Variants in ATF7IP observed in about 807,000 individuals in gnomAD.
ATF7IP encodes activating transcription factor 7-interacting protein 1.
A neutral mutation model predicts 106.4 loss-of-function variants in ATF7IP; 23 were observed. That is an observed-to-expected ratio of 0.22 (90% CI 0.16 to 0.31). The LOEUF (loss-of-function observed/expected upper bound fraction) is 0.31, where lower values mean the gene tolerates loss of function less well. Among genes scored for constraint, ATF7IP ranks in the 10% least tolerant of loss-of-function variants. The pLI is 1.00. For missense variants in ATF7IP, 1,334 were observed against 1,524.3 expected, an observed-to-expected ratio of 0.88 and a Z score of 2.08; for synonymous variants, 542 against 539.0, an observed-to-expected ratio of 1.01 and a Z score of -0.08.
At chr12:14,458,689 G>A (rs1943530460) in intron 8 of ATF7IP, among the ~76,000 whole-genome samples, 1 of 151,780 alleles carries the variant, frequency 6.6e-6, no homozygotes, top group South Asian at 2.1e-4. Context: ...CAGACATGGT[G>A]GTGCACAACT....
chr12:14,493,804 C>T (rs1027773858), intron 13 of ATF7IP, among the ~76,000 whole-genome samples: 8 of 152,118 alleles, frequency 5.3e-5, no homozygotes, highest in African/African-American at 9.7e-5. Flanking sequence ...ACAACTTCAG[C>T]GCTCTCTCTA....
intron 14 of ATF7IP, among the ~76,000 whole-genome samples, chr12:14,497,280 G>T (rs958148264): frequency 6.6e-6 from 1 of 152,106 alleles, no homozygotes; most frequent in South Asian, 2.1e-4. Flanking sequence ...ATTTAAAAAT[G>T]TTACATCATA....
chr12:14,458,548 G>A (rs574651671), intron 8 of ATF7IP, among the ~76,000 whole-genome samples: 3 of 152,148 alleles, frequency 2.0e-5, no homozygotes, highest in South Asian at 4.1e-4. Flanking sequence ...TTGGACAAGC[G>A]TGGTGGCTTA....
intron 13 of ATF7IP, among the ~76,000 whole-genome samples, chr12:14,483,649 G>A (rs1206525896): frequency 6.6e-6 from 1 of 152,038 alleles, no homozygotes; most frequent in Non-Finnish European, 1.5e-5. Flanking sequence ...CCTGATTCCT[G>A]GACCCATGAA....
intron 13 of ATF7IP, among the ~76,000 whole-genome samples, chr12:14,494,953 A>T (rs994819218): frequency 1.3e-5 from 2 of 151,212 alleles, no homozygotes; most frequent in Non-Finnish European, 3.0e-5. Context: ...AAAAAAAAAA[A>T]AAGATCCCAC....
intron 1 of ATF7IP, among the ~76,000 whole-genome samples, chr12:14,398,676 T>C (rs7312233): frequency 1 from 151,932 of 152,090 alleles, 75,888 homozygotes; most frequent in Non-Finnish European, 1. Flanking sequence ...ATAGATTTAT[T>C]TCTGATTGTG....
chr12:14,402,132 T>C (rs866170048), intron 1 of ATF7IP, among the ~76,000 whole-genome samples: 7 of 146,020 alleles, frequency 4.8e-5, no homozygotes, highest in Admixed American at 1.4e-4. Flanking sequence ...TCTTTCTTTT[T>C]TTTTTTTTTT....
In ATF7IP at chr12:14,481,062, G is replaced by A. The variant is rs1944412349; in HGVS notation, c.3157G>A (p.Val1053Ile). The change falls in exon 13 of 15, where the codon GTA becomes ATA. Residue 1053 changes from valine (V) to isoleucine (I), a missense_variant. Val to Ile is a conservative substitution (Grantham distance 29). This residue lies in a region of ATF7IP where 370 missense variants were observed against 401.2 expected (regional missense o/e 0.92). Coordinates refer to ENST00000261168, the MANE Select transcript of ATF7IP (RefSeq NM_018179.5). The stretch of plus-strand genomic sequence containing the variant: ...AACTCAGGTGACCACAAGACTCCCT[G>A]TACCAAGAGCTCCTGCAAACCACCA... ...PVTQVTTRLP[V>I]PRAPANHQVV... 2 of 1,613,862 alleles carry A rather than the reference G, an allele frequency of 1.2e-6. No homozygotes were observed. The highest frequency in any genetic ancestry group is 1.7e-5 in the Admixed American group (1 of 59,986).
At chr12:14,419,149 G>A (rs1306481789) in intron 1 of ATF7IP, 1 of 152,090 alleles carries the variant, frequency 6.6e-6, no homozygotes, top group East Asian at 1.9e-4. Context: ...TAGTTCTCAT[G>A]GCAACCTTTG....
At chr12:14,431,517 C>T (rs1313970391) in intron 2 of ATF7IP, among the ~76,000 whole-genome samples, 1 of 151,884 alleles carries the variant, frequency 6.6e-6, no homozygotes, top group Non-Finnish European at 1.5e-5. Context: ...GTCTCAGCCT[C>T]CCGAGTAGCT....
chr12:14,481,268 A>G, intron 13 of ATF7IP, 83 bp downstream of exon 13: 1 of 1,458,726 alleles, frequency 6.9e-7, no homozygotes, highest in Non-Finnish European at 9.3e-7. Context: ...AATAATGTTA[A>G]ATTTTGCAAA....
intron 1 of ATF7IP, among the ~76,000 whole-genome samples, chr12:14,388,175 G>A (rs1161212721): frequency 6.6e-6 from 1 of 151,702 alleles, no homozygotes; most frequent in African/African-American, 2.4e-5. Context: ...TCAGCCTCCC[G>A]AGTAGCTGGG....
At position 14,498,759 on chromosome 12, in the gene ATF7IP, C is replaced by T. The variant is rs546704812; in HGVS notation, c.*686C>T. On this transcript the variant is annotated 3_prime_UTR_variant, in exon 15 of 15. Transcript: ENST00000261168. ...GCCAAAAATAAATAAATAAATATGG[C>T]CATATGTCCGTTGTTGCTTAGTCTT... is the stretch of plus-strand genomic sequence containing the variant. 1 of 152,622 alleles carries T rather than the reference C, an allele frequency of 6.6e-6. No individual in the cohort carries two copies. Among genetic ancestry groups the T allele is most frequent in the African/African-American group, 2.4e-5 (1 of 41,516 alleles). The allele number at this position is 152,622 out of a possible 1,614,324, so 9.5% of individuals were successfully genotyped here. A position where few individuals can be genotyped will look rare whatever the true frequency, so the allele number is the denominator to read the frequency against.
chr12:14,413,636 A>G (rs1010185311), intron 1 of ATF7IP, among the ~76,000 whole-genome samples: 4 of 152,216 alleles, frequency 2.6e-5, no homozygotes, highest in Non-Finnish European at 5.9e-5. Flanking sequence ...AATTCACATC[A>G]TATGTAAAGT....
intron 6 of ATF7IP, among the ~76,000 whole-genome samples, chr12:14,448,265 C>T (rs1187401928): frequency 6.6e-6 from 1 of 152,142 alleles, no homozygotes; most frequent in Non-Finnish European, 1.5e-5. Flanking sequence ...CCCCTAGCTT[C>T]CCCTGAGTGG....
chr12:14,477,063 G>A (rs554785751), intron 11 of ATF7IP, among the ~76,000 whole-genome samples: 1 of 152,248 alleles, frequency 6.6e-6, no homozygotes, highest in South Asian at 2.1e-4. Flanking sequence ...TTACTTGGCT[G>A]TGCAAAATAA....
At chr12:14,446,368 G>C (rs1384978465) in intron 5 of ATF7IP, among the ~76,000 whole-genome samples, 2 of 152,160 alleles carry the variant, frequency 1.3e-5, no homozygotes, top group Non-Finnish European at 2.9e-5. Flanking sequence ...GGCTGGTCTC[G>C]AACTCTTGGC....
intron 1 of ATF7IP, among the ~76,000 whole-genome samples, chr12:14,387,801 T>C (rs1158555056): frequency 3.3e-5 from 5 of 152,196 alleles, no homozygotes; most frequent in Admixed American, 1.3e-4. Context: ...AGCTGAATAA[T>C]TGAAGTTTTA....
intron 8 of ATF7IP, among the ~76,000 whole-genome samples, chr12:14,459,706 T>C (rs935188032): frequency 6.6e-6 from 1 of 152,218 alleles, no homozygotes; most frequent in Admixed American, 6.5e-5. Flanking sequence ...GCTGCTCTAG[T>C]GAACCTGTTA....
Sources: gnomAD v4.1 joint callset for allele counts (sites outside exome capture counted in the v4.1 genomes callset) on GRCh38, gnomAD v4.1.1 for gene constraint, gnomAD v4.1.1 regional missense constraint, MANE v1.5 for transcripts, NCBI Gene and HGNC (gene_info 2026-07-23, HGNC 2026-07-21) for gene names.